The following DNAJB6 variants were observed in gnomAD, a reference collection of about 807,000 sequenced individuals.
DNAJB6 encodes the protein dnaJ homolog subfamily B member 6.
In DNAJB6, 16 loss-of-function variants were observed where a neutral mutation model predicts 42.7. The observed-to-expected ratio is 0.37, with a 90% confidence interval of 0.25 to 0.57. DNAJB6 has a LOEUF of 0.57. Among genes scored for constraint, DNAJB6 ranks in the 20% least tolerant of loss-of-function variants. The pLI, the probability that DNAJB6 is intolerant of heterozygous loss-of-function variation, is 0.74. For synonymous variants in DNAJB6, 170 were observed against 163.5 expected (o/e 1.04, Z -0.30); for missense variants, 347 against 416.8 (o/e 0.83, Z 1.46).
chr7:157,350,463 G>C (rs1167937979), intron 1 of DNAJB6, among the ~76,000 whole-genome samples: 1 of 152,158 alleles, frequency 6.6e-6, no homozygotes, highest in Non-Finnish European at 1.5e-5. Context: ...GCATAAGGAA[G>C]AATTCCTGTA....
intron 5 of DNAJB6, among the ~76,000 whole-genome samples, chr7:157,369,626 T>C (rs760871937): frequency 6.6e-6 from 1 of 150,818 alleles, no homozygotes; most frequent in East Asian, 1.9e-4. Context: ...AACATTGTTA[T>C]TAAAGAGGCC....
intron 5 of DNAJB6, chr7:157,378,137 C>G (rs1800564522): frequency 6.6e-6 from 1 of 152,186 alleles, no homozygotes; most frequent in South Asian, 2.1e-4. Context: ...CATTGATGGT[C>G]CTCGTTCCTG....
At chr7:157,353,463 T>C (rs185142230) in intron 1 of DNAJB6, among the ~76,000 whole-genome samples, 2 of 152,120 alleles carry the variant, frequency 1.3e-5, no homozygotes, top group African/African-American at 2.4e-5. Context: ...TTATTCATAT[T>C]CCACCTGTTT....
chr7:157,345,360 A>G (rs1039910628), intron 1 of DNAJB6, among the ~76,000 whole-genome samples: 1 of 151,904 alleles, frequency 6.6e-6, no homozygotes, highest in Non-Finnish European at 1.5e-5. Context: ...CTCTTGTCCA[A>G]GTTGGAGTGC....
At chr7:157,415,350 T>G (rs536101253) in intron 9 of DNAJB6, 1 of 152,358 alleles carries the variant, frequency 6.6e-6, no homozygotes, top group Non-Finnish European at 1.5e-5. Flanking sequence ...GTGTCAGCCA[T>G]TGACTTTAGC....
chr7:157,394,357 T>C (rs920909452), intron 8 of DNAJB6, among the ~76,000 whole-genome samples: 1 of 152,182 alleles, frequency 6.6e-6, no homozygotes, highest in East Asian at 1.9e-4. Flanking sequence ...ATGCTGCCCC[T>C]GTGTATCTAC....
intron 6 of DNAJB6, 93 bp downstream of exon 6, chr7:157,382,470 T>C (rs188186054): frequency 3.1e-4 from 423 of 1,364,906 alleles, no homozygotes; most frequent in Middle Eastern, 1.9e-3. Flanking sequence ...CTTTAAAATA[T>C]GTGTATACCT....
chr7:157,372,595 T>C (rs1265359189), intron 5 of DNAJB6, among the ~76,000 whole-genome samples: 1 of 152,190 alleles, frequency 6.6e-6, no homozygotes, highest in Non-Finnish European at 1.5e-5. Context: ...CTCAGCTGCC[T>C]TGGAGATAGA....
chr7:157,409,802 C>G lies in DNAJB6; in HGVS notation c.699C>G (p.Ala233=). 6.5e-7 allele frequency: 1 copy of G among 1,527,924 alleles called. No individual in the cohort carries two copies. The highest frequency in any genetic ancestry group is 8.8e-7 in the Non-Finnish European group (1 of 1,141,314). The allele number at this position is 1,527,924 out of a possible 1,614,324, so 94.6% of individuals were successfully genotyped here. A position where few individuals can be genotyped will look rare whatever the true frequency, so the allele number is the denominator to read the frequency against. ...CTCCCGCTGTGCCTGCAGGTGTGGC[C>G]GACGACGATGCCCTCGCTGAGGAGC... The part of the protein sequence containing the change: ...QLKSLTINGV[A]DDDALAEERM... Residue 233 remains alanine (A), a synonymous_variant, in exon 9 of 10, where the codon GCC becomes GCG. Coordinates refer to ENST00000262177, the MANE Select transcript of DNAJB6 (RefSeq NM_058246.4).
At chr7:157,389,470 G>A (rs1354599141) in intron 8 of DNAJB6, among the ~76,000 whole-genome samples, 2 of 152,158 alleles carry the variant, frequency 1.3e-5, no homozygotes, top group Non-Finnish European at 2.9e-5. Context: ...ACTTGGTTTC[G>A]TGGGGTCTGG....
intron 1 of DNAJB6, among the ~76,000 whole-genome samples, chr7:157,354,532 G>A (rs1187814780): frequency 6.6e-6 from 1 of 151,896 alleles, no homozygotes; most frequent in Admixed American, 6.6e-5. Flanking sequence ...AAGCTGGAGT[G>A]CTGTGGCACG....
chr7:157,402,873 T>G (rs1454152984), intron 8 of DNAJB6, among the ~76,000 whole-genome samples: 2 of 152,196 alleles, frequency 1.3e-5, no homozygotes, highest in Non-Finnish European at 1.5e-5. Flanking sequence ...GGAACCCCAC[T>G]TTCTCCATCA....
chr7:157,374,391 C>T (rs1800367620), intron 5 of DNAJB6, among the ~76,000 whole-genome samples: 1 of 152,054 alleles, frequency 6.6e-6, no homozygotes, highest in South Asian at 2.1e-4. Context: ...TCCCAAGTAG[C>T]GGGGATTACA....
chr7:157,339,794 T>A (rs1798259759), intron 1 of DNAJB6: 1 of 152,208 alleles, frequency 6.6e-6, no homozygotes, highest in African/African-American at 2.4e-5. Flanking sequence ...CCCAGCTAAT[T>A]TTTTCTATTT....
chr7:157,339,481 T>A (rs1210399949), intron 1 of DNAJB6, among the ~76,000 whole-genome samples: 13 of 151,590 alleles, frequency 8.6e-5, no homozygotes, highest in Non-Finnish European at 1.5e-5. Context: ...TGTATTTTTT[T>A]AGTAGAGACG....
At chr7:157,415,013 G>A (rs1304764606) in intron 9 of DNAJB6, 1 of 152,308 alleles carries the variant, frequency 6.6e-6, no homozygotes, top group Non-Finnish European at 1.5e-5. Context: ...AGGCCCCCAA[G>A]AGGGCTGTGA....
intron 9 of DNAJB6, 165 bp downstream of exon 9, chr7:157,410,166 G>A (rs1251120460): frequency 3.6e-6 from 5 of 1,393,428 alleles, no homozygotes; most frequent in Non-Finnish European, 2.8e-6. Flanking sequence ...CTCCTCTCCC[G>A]CTCGCGGCGC....
chr7:157,394,508 A>G (rs1406660335), intron 8 of DNAJB6, among the ~76,000 whole-genome samples: 1 of 150,006 alleles, frequency 6.7e-6, no homozygotes, highest in Non-Finnish European at 1.5e-5. Context: ...CAGTCTGGTG[A>G]TGGAGTGAGA....
chr7:157,375,456 T>TA lies in DNAJB6; in HGVS notation c.347-6788dup, dbSNP rs138932491. ...GTAACTTTTGGGAAACAGATTACTC[T>TA]AACCAGACCTGGGAAGTAGCTAGAA... On this transcript the variant is annotated intron_variant, in intron 5 of 9. Transcript: ENST00000262177. Among the ~76,000 whole-genome samples the TA allele has an allele frequency of 3.9e-4, 60 of 152,384 alleles. No homozygotes were observed. The South Asian group carries it at 4.6e-3, about 12-fold the overall frequency.
Sources: gnomAD v4.1 joint callset for allele counts (sites outside exome capture counted in the v4.1 genomes callset) on GRCh38, gnomAD v4.1.1 for gene constraint, MANE v1.5 for transcripts, NCBI Gene and HGNC (gene_info 2026-07-23, HGNC 2026-07-21) for gene names.